The following RHBG variants were observed in gnomAD, a reference collection of about 807,000 sequenced individuals.
RHBG encodes Rh family B glycoprotein.
RHBG carries 39 observed loss-of-function variants against 40.1 expected under a neutral mutation model. The ratio of observed to expected loss-of-function variants is 0.97; its 90% confidence interval spans 0.75 to 1.27. RHBG has a LOEUF of 1.27. Ranked by LOEUF, RHBG falls within the 50% of genes most tolerant of loss-of-function variation. RHBG has a pLI of 0.00. For missense variants in RHBG, 549 were observed against 588.1 expected (o/e 0.93, Z 0.69); for synonymous variants, 237 against 252.5 (o/e 0.94, Z 0.58).
At position 156,381,472 on chromosome 1, in the gene RHBG, GC is replaced by G; in HGVS notation, c.801del (p.Leu268CysfsTer5). ...GGCTGCCAGCACCCTTGGCACCTTT[GC>G]CTTGTCAGCCCTTGTAGGGGAAGAT... Reference protein sequence around the residue: ...SLAASTLGTFALSALVGEDGR... With the variant: ...SLAASTLGTFXLSALVGEDGR... On this transcript the variant is annotated frameshift_variant, in exon 5 of 10. Transcript: ENST00000537040. LOFTEE classifies it high-confidence loss of function. 6.2e-7 allele frequency: 1 copy of G among 1,613,726 alleles called. No individual in the cohort carries two copies. Among genetic ancestry groups the G allele is most frequent in the Non-Finnish European group, 8.5e-7 (1 of 1,179,774 alleles).
In RHBG at chr1:156,384,575, A is replaced by G. The variant is rs6668857; in HGVS notation, c.1283A>G (p.His428Arg). The G allele has an allele frequency of 0.56, 892,740 of 1,590,632 alleles. 258,127 individuals carry two copies. Among genetic ancestry groups the G allele is most frequent in the East Asian group, 0.88 (39,416 of 44,592 alleles). ...CTGGACTCCCCCCCAGACTCCCAGC[A>G]CTACGAGGACCAAGTTCACTGGCAG... Reference protein sequence around the residue: ...PFLDSPPDSQHYEDQVHWQVP... With the variant: ...PFLDSPPDSQRYEDQVHWQVP... Residue 428 changes from histidine to arginine, a missense_variant, in exon 9 of 10, where the codon CAC becomes CGC. This residue lies in a region of RHBG where 399 missense variants were observed against 417.0 expected (regional missense o/e 0.96). Coordinates refer to ENST00000537040, the MANE Select transcript of RHBG (RefSeq NM_020407.5).
chr1:156,381,532 CA>C lies in RHBG; in HGVS notation c.840+20del. On this transcript the variant is annotated intron_variant, in intron 5 of 9. Transcript: ENST00000537040. Reference sequence around the variant, plus strand: ...TGACATGGTATGGGGAAGAGGACTTCAGAGAGGCAGAGGGGGTGGCCTGGGC... The same window carrying C: ...TGACATGGTATGGGGAAGAGGACTTCGAGAGGCAGAGGGGGTGGCCTGGGC... 1.9e-6 allele frequency: 3 copies of C among 1,588,390 alleles called. No homozygotes were observed. The highest frequency in any genetic ancestry group is 2.6e-6 in the Non-Finnish European group (3 of 1,166,386).
rs906095400 is a variant in RHBG at position 156,383,827 on chromosome 1, T to C, written c.1235-700T>C. Among the ~76,000 whole-genome samples the C allele has an allele frequency of 5.2e-5, 3 of 57,242 alleles. No individual in the cohort carries two copies. In the Admixed American group the frequency reaches 7.3e-4, roughly 14 times the overall value. 37.6% of individuals were successfully genotyped at this position (57,242 alleles called of 152,430 possible). A position where few individuals can be genotyped will look rare whatever the true frequency, so the allele number is the denominator to read the frequency against. On this transcript the variant is annotated intron_variant, in intron 8 of 9. Coordinates refer to ENST00000537040, the MANE Select transcript of RHBG (RefSeq NM_020407.5). ...CAGGCGTGAGCCACTGCGCCCGGCCTATTTTTTTTTTTTTTTTTTTTTTGA... is the reference window on the plus strand; with the variant it reads ...CAGGCGTGAGCCACTGCGCCCGGCCCATTTTTTTTTTTTTTTTTTTTTTGA...
chr1:156,382,816 T>C lies in RHBG; in HGVS notation c.1181T>C (p.Leu394Pro). 4 of 1,614,214 alleles carry C rather than the reference T, an allele frequency of 2.5e-6. No homozygotes were observed. The highest frequency in any genetic ancestry group is 1.1e-5 in the South Asian group (1 of 91,088). Residue 394 changes from leucine to proline, a missense_variant, in exon 8 of 10, where the codon CTC (leucine) becomes CCC (proline). Physicochemically the swap from Leu to Pro is moderately conservative, Grantham distance 98 (BLOSUM62 -3). Around this residue, in one of 3 missense-constraint regions of RHBG, gnomAD observed 399 missense variants for 417.0 expected, o/e 0.96. Transcript: ENST00000537040. ...RSATSQAMHQ[L>P]FGLFVTLMFA... ...GCCACGTCACAGGCCATGCACCAGCTCTTCGGGCTGTTTGTCACACTGATG... is the reference window on the plus strand; with the variant it reads ...GCCACGTCACAGGCCATGCACCAGCCCTTCGGGCTGTTTGTCACACTGATG...
chr1:156,382,698 A>G, intron 7 of RHBG, 50 bp from the exon 8 acceptor site: 1 of 1,608,660 alleles, frequency 6.2e-7, no homozygotes, highest in South Asian at 1.1e-5. Flanking sequence ...CCCGGGCTGC[A>G]TCCCTCTCTC....
chr1:156,384,791 T>G lies in RHBG; in HGVS notation c.1323T>G (p.His441Gln), dbSNP rs374891145. Residue 441 changes from histidine to glutamine, a missense_variant, in exon 10 of 10, where the codon CAT (histidine) becomes CAG (glutamine). His to Gln is a conservative substitution (Grantham distance 24, BLOSUM62 0). Coordinates refer to ENST00000537040, the MANE Select transcript of RHBG (RefSeq NM_020407.5). The stretch of plus-strand genomic sequence containing the variant: ...CTGCCTTCCAGGTGCCTGGCGAGCA[T>G]GAGGATAAAGCCCAGAGACCTCTGA... ...DQVHWQVPGE[H>Q]EDKAQRPLRV... 1 of 1,613,888 alleles carries G rather than the reference T, an allele frequency of 6.2e-7. No individual in the cohort carries two copies. The highest frequency in any genetic ancestry group is 1.7e-5 in the Admixed American group (1 of 59,992).
intron 1 of RHBG, among the ~76,000 whole-genome samples, chr1:156,375,773 C>T (rs1225771157): frequency 1.3e-5 from 2 of 151,276 alleles, no homozygotes; most frequent in Non-Finnish European, 1.5e-5. Flanking sequence ...CGGAATCTCA[C>T]TCTGTTGCCA....
intron 8 of RHBG, among the ~76,000 whole-genome samples, chr1:156,383,282 C>T (rs1667798682): frequency 6.6e-6 from 1 of 152,232 alleles, no homozygotes; most frequent in South Asian, 2.1e-4. Context: ...CTGTCCATGG[C>T]CCTGGGTCAG....
intron 6 of RHBG, 32 bp downstream of exon 6, chr1:156,381,975 A>G (rs1263568788): frequency 1.2e-6 from 2 of 1,610,256 alleles, no homozygotes; most frequent in Non-Finnish European, 1.7e-6. Context: ...TGGGCAGAAC[A>G]TGGAGTCTTT....
At chr1:156,374,811 C>T (rs996543542) in intron 1 of RHBG, 1 of 270,784 alleles carries the variant, frequency 3.7e-6, no homozygotes, top group Non-Finnish European at 7.3e-6. Flanking sequence ...GTCTTGAACT[C>T]CCGACCTCAG....
At chr1:156,380,149 C>T (rs1351858077) in intron 4 of RHBG, among the ~76,000 whole-genome samples, 3 of 133,028 alleles carry the variant, frequency 2.3e-5, no homozygotes, top group Non-Finnish European at 4.7e-5. Flanking sequence ...CTTGCTCTGT[C>T]TCCCAGGCTG....
chr1:156,383,773 C>T lies in RHBG; in HGVS notation c.1235-754C>T, dbSNP rs542647760. Among the ~76,000 whole-genome samples the T allele has an allele frequency of 3.5e-3, 530 of 151,108 alleles. 3 individuals are homozygous for T. Among genetic ancestry groups the T allele is most frequent in the African/African-American group, 0.012 (475 of 41,114 alleles). On this transcript the variant is annotated intron_variant, in intron 8 of 9. Coordinates refer to ENST00000537040, the MANE Select transcript of RHBG (RefSeq NM_020407.5). ...CAATCTCCTGACCTCGTGATCCGCC[C>T]GCCTCGGCCTCCCAAAGTGCTGGGA... is the stretch of plus-strand genomic sequence containing the variant.
Position 156,369,349 on chromosome 1 carries a change from G to C in RHBG, c.100G>C (p.Val34Leu), listed in dbSNP as rs1398122080. The C allele has an allele frequency of 1.9e-6, 3 of 1,614,072 alleles. No individual in the cohort carries two copies. The highest frequency in any genetic ancestry group is 2.5e-6 in the Non-Finnish European group (3 of 1,180,038). ...CACTGCCGTCCTCTTTGCTGTCTTT[G>C]TCCGCTACAACCACAAAACCGACGC... is the stretch of plus-strand genomic sequence containing the variant. ...GATAVLFAVF[V>L]RYNHKTDAAL... The change falls in exon 1 of 10, where the codon GTC becomes CTC. Residue 34 changes from valine (V) to leucine (L), a missense_variant. Physicochemically the swap from Val to Leu is conservative, Grantham distance 32 (BLOSUM62 1). This residue lies in a region of RHBG where 99 missense variants were observed against 85.2 expected (regional missense o/e 1.16). Coordinates refer to ENST00000537040, the MANE Select transcript of RHBG (RefSeq NM_020407.5).
intron 4 of RHBG, among the ~76,000 whole-genome samples, chr1:156,379,676 C>G (rs549276076): frequency 1.3e-5 from 2 of 152,208 alleles, no homozygotes; most frequent in Non-Finnish European, 2.9e-5. Flanking sequence ...GATTCTCCCA[C>G]AAACGCTCCA....
rs902431512 is a variant in RHBG, at chr1:156,377,186, G to T, written c.188-115G>T. On this transcript the variant is annotated intron_variant, in intron 1 of 9. Coordinates refer to ENST00000537040, the MANE Select transcript of RHBG (RefSeq NM_020407.5). The surrounding 1 kb of genome is among the most constrained non-coding windows in gnomAD (Gnocchi z 4.6). ...CATGCCTGGGGAGTTTTATAGGCTC[G>T]GCTCAAGGCAGCCCTGGCTGGTGAG... 2 of 1,202,856 alleles carry T rather than the reference G, an allele frequency of 1.7e-6. No individual in the cohort carries two copies. Among genetic ancestry groups the T allele is most frequent in the Admixed American group, 2.1e-5 (1 of 46,902 alleles). The allele number at this position is 1,202,856 out of a possible 1,614,324, so 74.5% of individuals were successfully genotyped here. A position where few individuals can be genotyped will look rare whatever the true frequency, so the allele number is the denominator to read the frequency against.
rs1384087479 is a variant in RHBG at position 156,377,751 on chromosome 1, T to C, written c.375-239T>C. On this transcript the variant is annotated intron_variant, in intron 2 of 9. Transcript: ENST00000537040. This position sits in a 1 kb window ranked among gnomAD's most constrained non-coding sequence, Gnocchi z 4.6. ...GGTAGACAGCTCTGGTTCTTCCACCTATTGTGGGCTTTGTCAGATGAGTCA... is the reference window on the plus strand; with the variant it reads ...GGTAGACAGCTCTGGTTCTTCCACCCATTGTGGGCTTTGTCAGATGAGTCA... Among the ~76,000 whole-genome samples the C allele has an allele frequency of 1.3e-5, 2 of 152,222 alleles. No homozygotes were observed. Among genetic ancestry groups the C allele is most frequent in the Admixed American group, 6.5e-5 (1 of 15,282 alleles).
At chr1:156,380,444 C>T (rs915709815) in intron 4 of RHBG, among the ~76,000 whole-genome samples, 13 of 151,818 alleles carry the variant, frequency 8.6e-5, no homozygotes, top group African/African-American at 2.4e-4. Flanking sequence ...GTGTTCTGGC[C>T]GGATGCAGTG....
intron 1 of RHBG, among the ~76,000 whole-genome samples, chr1:156,370,774 C>T (rs749048922): frequency 3.3e-5 from 5 of 152,028 alleles, no homozygotes; most frequent in African/African-American, 1.2e-4. Flanking sequence ...GAGTTGTTCA[C>T]GATCACCCAT....
At chr1:156,380,021 G>T (rs947171389) in intron 4 of RHBG, among the ~76,000 whole-genome samples, 4 of 152,048 alleles carry the variant, frequency 2.6e-5, no homozygotes, top group Non-Finnish European at 5.9e-5. Flanking sequence ...AGAGATTGAG[G>T]TTATCATTGT....
Sources: gnomAD v4.1 joint callset for allele counts (sites outside exome capture counted in the v4.1 genomes callset) on GRCh38, gnomAD v4.1.1 for gene constraint, gnomAD v4.1.1 regional missense constraint, Gnocchi (gnomAD v3.1) non-coding constraint, MANE v1.5 for transcripts, NCBI Gene and HGNC (gene_info 2026-07-23, HGNC 2026-07-21) for gene names.